The following FNBP4 variants were observed in gnomAD, a reference collection of about 807,000 sequenced individuals.
FNBP4 encodes formin-binding protein 4.
A neutral mutation model predicts 119.3 loss-of-function variants in FNBP4; 34 were observed. The ratio of observed to expected loss-of-function variants is 0.28; its 90% CI spans 0.22 to 0.38. FNBP4 has a LOEUF of 0.38. FNBP4 is among the 10% of genes least tolerant of loss of function. The pLI is 1.00. For missense variants in FNBP4, 1,112 were observed against 1,228.9 expected, an observed-to-expected ratio of 0.90 and a Z score of 1.42; for synonymous variants, 462 against 430.6, an observed-to-expected ratio of 1.07 and a Z score of -0.90.
At chr11:47,765,965 C>T (rs2097646995) in intron 1 of FNBP4, among the ~76,000 whole-genome samples, 2 of 141,672 alleles carry the variant, frequency 1.4e-5, no homozygotes, top group Admixed American at 8.1e-5. Flanking sequence ...GGATTACAGG[C>T]ATGAGTCACC....
intron 16 of FNBP4, 95 bp from the exon 17 acceptor site, chr11:47,717,607 C>T: frequency 1.1e-6 from 1 of 903,912 alleles, no homozygotes; most frequent in Non-Finnish European, 1.8e-6. Flanking sequence ...AATTAAAAAC[C>T]TGATCTATCA....
At chr11:47,720,419 T>C (rs2097554243) in intron 15 of FNBP4, among the ~76,000 whole-genome samples, 1 of 151,428 alleles carries the variant, frequency 6.6e-6, no homozygotes, top group Non-Finnish European at 1.5e-5. Context: ...ATACAAAAAA[T>C]TAGCCAGACG....
intron 8 of FNBP4, among the ~76,000 whole-genome samples, chr11:47,742,382 G>C (rs936951314): frequency 6.8e-6 from 1 of 146,418 alleles, no homozygotes; most frequent in African/African-American, 2.5e-5. Context: ...AGGAGGCTGA[G>C]GCAGAGAATT....
chr11:47,763,569 C>G (rs986358084), intron 2 of FNBP4, among the ~76,000 whole-genome samples: 2 of 151,932 alleles, frequency 1.3e-5, no homozygotes, highest in Admixed American at 1.3e-4. Context: ...GGCGTGATCT[C>G]GGCTCACTGC....
At chr11:47,758,209 T>C (rs981834900) in intron 2 of FNBP4, among the ~76,000 whole-genome samples, 2 of 152,164 alleles carry the variant, frequency 1.3e-5, no homozygotes, top group Non-Finnish European at 1.5e-5. Context: ...ATCAGGCTCC[T>C]GTGTAGCTGG....
chr11:47,736,503 T>A, intron 9 of FNBP4, 113 bp downstream of exon 9: 1 of 788,556 alleles, frequency 1.3e-6, no homozygotes, highest in Admixed American at 3.1e-5. Context: ...GAGGTTGCAG[T>A]GAGCTGAGAT....
chr11:47,766,298 G>C (rs932276681), intron 1 of FNBP4, among the ~76,000 whole-genome samples: 1 of 152,220 alleles, frequency 6.6e-6, no homozygotes, highest in South Asian at 2.1e-4. Flanking sequence ...CTGGGCGACA[G>C]ATTGAGACAT....
chr11:47,723,288 C>T lies in FNBP4; in HGVS notation c.2493G>A (p.Gln831=), dbSNP rs750617792. ...TGHQAAGIGN[Q]ATGIGHQTIP... is the part of the protein sequence containing the mutation. ...TTGTCTGATGTCCAATTCCTGTTGC[C>T]TGGTTTCCAATCCCTGCTGCCTGGT... is the stretch of plus-strand genomic sequence containing the variant. The change falls in exon 15 of 17, where the codon CAG becomes CAA. Residue 831 remains glutamine, a synonymous_variant. Coordinates refer to ENST00000263773, the MANE Select transcript of FNBP4 (RefSeq NM_015308.5). 1 of 1,611,412 alleles carries T rather than the reference C, an allele frequency of 6.2e-7. No individual in the cohort carries two copies. The highest frequency in any genetic ancestry group is 1.1e-5 in the South Asian group (1 of 90,944).
At chr11:47,725,669 A>C (rs868369768) in intron 12 of FNBP4, 2 of 555,458 alleles carry the variant, frequency 3.6e-6, no homozygotes, top group Non-Finnish European at 4.6e-6. Context: ...TGTAAAAGCC[A>C]TCATTGATTA....
chr11:47,734,989 C>CAAA lies in FNBP4; in HGVS notation c.1582-863_1582-861dup, dbSNP rs71045509. Reference sequence around the variant, plus strand: ...TCCATCACCCCAACACCCCCCCCCCCAAAAAAAAAGGAAATCTAAAGCACA... The same window carrying CAAA: ...TCCATCACCCCAACACCCCCCCCCCCAAAAAAAAAAAAGGAAATCTAAAGCACA... On this transcript the variant is annotated intron_variant, in intron 9 of 16. Coordinates refer to ENST00000263773, the MANE Select transcript of FNBP4 (RefSeq NM_015308.5). Among the ~76,000 whole-genome samples, 17 of 119,976 alleles carry CAAA rather than the reference C, an allele frequency of 1.4e-4. 3 individuals are homozygous for CAAA. Among genetic ancestry groups the CAAA allele is most frequent in the East Asian group, 1.2e-3 (5 of 4,304 alleles). The allele number at this position is 119,976 out of a possible 152,430, so 78.7% of individuals were successfully genotyped here. A position where few individuals can be genotyped will look rare whatever the true frequency, so the allele number is the denominator to read the frequency against.
Position 47,720,010 on chromosome 11 carries a change from T to A in FNBP4, c.2882A>T (p.Asp961Val). The change falls in exon 16 of 17, where the codon GAC (aspartate) becomes GTC (valine). Residue 961 changes from aspartate (D) to valine (V), a missense_variant. Asp to Val is a radical substitution (Grantham distance 152). Transcript: ENST00000263773. ...ATCCTCTTCACTGGAACTAGAATTG[T>A]CCTCTTCATCTAACTCACGCTGGAT... Reference protein sequence around the residue: ...QSIQRELDEEDNSSSSEEDRE... With the variant: ...QSIQRELDEEVNSSSSEEDRE... The A allele has an allele frequency of 1.9e-6, 3 of 1,614,126 alleles. No individual in the cohort carries two copies. The highest frequency in any genetic ancestry group is 2.5e-6 in the Non-Finnish European group (3 of 1,180,000).
rs1034702306 is a variant in FNBP4 at position 47,738,822 on chromosome 11, A to G, written c.1457-2082T>C. On this transcript the variant is annotated intron_variant, in intron 8 of 16. Transcript: ENST00000263773. ...CAGCCTTCCAAGTAGCTGGGGCTTC[A>G]GGTGTTTGCCACCATGCCCAGGTAA... Among the ~76,000 whole-genome samples the G allele has an allele frequency of 6.4e-5, 9 of 140,576 alleles. No homozygotes were observed. In the Admixed American group the frequency reaches 6.6e-4, roughly 10 times the overall value. The allele number at this position is 140,576 out of a possible 152,430, so 92.2% of individuals were successfully genotyped here.
chr11:47,757,478 C>T (rs1306594640), intron 2 of FNBP4, among the ~76,000 whole-genome samples: 2 of 151,926 alleles, frequency 1.3e-5, no homozygotes, highest in African/African-American at 2.4e-5. Flanking sequence ...TCCCAAAGTG[C>T]TGGGATTATA....
chr11:47,730,448 C>A, intron 12 of FNBP4, among the ~76,000 whole-genome samples: 1 of 152,192 alleles, frequency 6.6e-6, no homozygotes, highest in East Asian at 1.9e-4. Flanking sequence ...TCATCTGGTA[C>A]ACAACCAGTT....
At position 47,765,374 on chromosome 11, in the gene FNBP4, A is replaced by AAAAAAAAGAAAAG. The variant is rs1554991224; in HGVS notation, c.221-13_221-12insCTTTTCTTTTTTT. Reference sequence around the variant, plus strand: ...CGCTTCCTGTTCATCTGGATTAAAAAAAAAGAAAAGAAAAGAAAAGAAAAG... The same window carrying AAAAAAAAGAAAAG: ...CGCTTCCTGTTCATCTGGATTAAAAAAAAAAAAGAAAAGAAAAGAAAAGAAAAGAAAAGAAAAG... On this transcript the variant is annotated splice_polypyrimidine_tract_variant and intron_variant, in intron 1 of 16. Transcript: ENST00000263773. The AAAAAAAAGAAAAG allele has an allele frequency of 9.7e-7, 1 of 1,032,482 alleles. No homozygotes were observed. The highest frequency in any genetic ancestry group is 2.5e-5 in the East Asian group (1 of 40,176). The allele number at this position is 1,032,482 out of a possible 1,614,324, so 64.0% of individuals were successfully genotyped here.
intron 10 of FNBP4, among the ~76,000 whole-genome samples, chr11:47,733,174 T>C (rs1173159699): frequency 6.6e-6 from 1 of 152,204 alleles, no homozygotes; most frequent in African/African-American, 2.4e-5. Flanking sequence ...GGCTCCAGTA[T>C]ATTTTAACAC....
intron 2 of FNBP4, among the ~76,000 whole-genome samples, chr11:47,760,925 T>C (rs1427331095): frequency 6.6e-6 from 1 of 152,182 alleles, no homozygotes; most frequent in Non-Finnish European, 1.5e-5. Flanking sequence ...AAGTTTATTT[T>C]ATATAGTTTC....
chr11:47,729,389 C>G, intron 12 of FNBP4: 3 of 985,338 alleles, frequency 3.0e-6, no homozygotes, highest in Non-Finnish European at 3.6e-6. Flanking sequence ...TCCACTCCAT[C>G]TTTAAAAACA....
At chr11:47,735,785 TA>T (rs984311057) in intron 9 of FNBP4, among the ~76,000 whole-genome samples, 1 of 149,896 alleles carries the variant, frequency 6.7e-6, no homozygotes, top group Non-Finnish European at 1.5e-5. Flanking sequence ...TAAATGGCAT[TA>T]AAAAAAAATG....
Sources: gnomAD v4.1 joint callset for allele counts (sites outside exome capture counted in the v4.1 genomes callset) on GRCh38, gnomAD v4.1.1 for gene constraint, MANE v1.5 for transcripts, NCBI Gene and HGNC (gene_info 2026-07-23, HGNC 2026-07-21) for gene names.